Variants in CHIC1 observed in about 807,000 individuals in gnomAD.
CHIC1 encodes cysteine rich hydrophobic domain 1, also known as cysteine-rich hydrophobic domain-containing protein 1.
CHIC1 carries 7 observed loss-of-function variants against 18.5 expected under a neutral mutation model. The observed-to-expected ratio is 0.38, with a 90% CI of 0.22 to 0.71. The LOEUF is 0.71. CHIC1 is among the 30% of genes least tolerant of loss of function. The pLI is 0.49. For missense variants in CHIC1, 159 were observed against 176.9 expected (o/e 0.90, Z 0.57); for synonymous variants, 77 against 73.5 (o/e 1.05, Z -0.25).
At chrX:73,617,270 C>T (rs1462333964) in intron 3 of CHIC1, among the ~76,000 whole-genome samples, 2 of 111,638 alleles carry the variant, frequency 1.8e-5, no homozygotes, top group Non-Finnish European at 3.8e-5. Context: ...CATTTGAGAC[C>T]ACCTCAGCCT....
chrX:73,627,783 G>C (rs922381164), intron 3 of CHIC1, among the ~76,000 whole-genome samples: 1 of 111,363 alleles, frequency 9.0e-6, no homozygotes, highest in African/African-American at 3.3e-5. Context: ...CCAAGAGCCA[G>C]CTTGGTGCTC....
intron 3 of CHIC1, among the ~76,000 whole-genome samples, chrX:73,606,844 C>T (rs1234991585): frequency 3.7e-5 from 4 of 109,106 alleles, no homozygotes; most frequent in Non-Finnish European, 7.5e-5. Flanking sequence ...CCTGCTCCTT[C>T]CTCTGTAAGC....
chrX:73,572,699 T>G (rs1603339626), intron 1 of CHIC1, among the ~76,000 whole-genome samples: 1 of 111,684 alleles, frequency 9.0e-6, no homozygotes, highest in Non-Finnish European at 1.9e-5. Flanking sequence ...TCTCTAATGA[T>G]TAGTGATGAT....
At chrX:73,577,570 A>G (rs2057505975) in intron 2 of CHIC1, 109 bp downstream of exon 2, 1 of 565,634 alleles carries the variant, frequency 1.8e-6, no homozygotes, top group Admixed American at 2.6e-5. Flanking sequence ...AAGTAATAGG[A>G]GGCCTCAGTA....
In CHIC1 at chrX:73,682,001, T is replaced by C. The variant is rs2058101212; in HGVS notation, c.*996T>C. 1 of 111,677 alleles carries C rather than the reference T, an allele frequency of 9.0e-6. No homozygotes were observed. Among genetic ancestry groups the C allele is most frequent in the African/African-American group, 3.2e-5 (1 of 30,857 alleles). 9.2% of individuals were successfully genotyped at this position (111,677 alleles called of 1,213,427 possible). On this transcript the variant is annotated 3_prime_UTR_variant, in exon 6 of 6. Transcript: ENST00000373502. ...ACACAATTATGACTTTTAAGGAGTA[T>C]TTTGAGATTTCAGACATCTTCAGAA...
At chrX:73,663,745 G>A (rs1016807050) in intron 3 of CHIC1, among the ~76,000 whole-genome samples, 6 of 111,035 alleles carry the variant, frequency 5.4e-5, no homozygotes, top group Middle Eastern at 4.7e-3. Context: ...TGTGGCTCCC[G>A]TGCTTCCAAA....
intron 3 of CHIC1, among the ~76,000 whole-genome samples, chrX:73,609,844 A>G (rs1238904719): frequency 9.2e-6 from 1 of 109,119 alleles, no homozygotes; most frequent in Non-Finnish European, 1.9e-5. Context: ...GAAGTATATA[A>G]TACATTGTAA....
At chrX:73,633,641 C>G (rs759268410) in intron 3 of CHIC1, among the ~76,000 whole-genome samples, 1 of 111,160 alleles carries the variant, frequency 9.0e-6, no homozygotes, top group East Asian at 2.8e-4. Context: ...TTCTCTTTTT[C>G]TGCTCCTTCA....
intron 3 of CHIC1, among the ~76,000 whole-genome samples, chrX:73,606,346 T>A (rs1227720786): frequency 3.7e-5 from 4 of 106,933 alleles, no homozygotes; most frequent in Non-Finnish European, 5.7e-5. Flanking sequence ...CCCATTCATC[T>A]TCTTCTCTAA....
At chrX:73,640,357 A>C (rs1457682565) in intron 3 of CHIC1, among the ~76,000 whole-genome samples, 1 of 112,016 alleles carries the variant, frequency 8.9e-6, no homozygotes, top group East Asian at 2.8e-4. Context: ...TATTGAACCA[A>C]GCTTGCATCC....
chrX:73,633,636 T>G (rs1275613622), intron 3 of CHIC1, among the ~76,000 whole-genome samples: 1 of 111,725 alleles, frequency 9.0e-6, no homozygotes, highest in Non-Finnish European at 1.9e-5. Context: ...GTTCTTTCTC[T>G]TTTTCTGCTC....
intron 3 of CHIC1, among the ~76,000 whole-genome samples, chrX:73,607,096 C>T (rs1300664952): frequency 1.8e-5 from 2 of 109,042 alleles, no homozygotes; most frequent in African/African-American, 7.1e-5. Flanking sequence ...CCCGTTCCCC[C>T]AGGTGCTCTG....
chrX:73,648,537 C>T (rs2057900399), intron 3 of CHIC1, among the ~76,000 whole-genome samples: 1 of 111,709 alleles, frequency 9.0e-6, no homozygotes, highest in African/African-American at 3.3e-5. Context: ...CCTGATGGAG[C>T]TGAAACACAC....
chrX:73,674,612 A>C (rs1462463582), intron 3 of CHIC1, among the ~76,000 whole-genome samples: 1 of 110,177 alleles, frequency 9.1e-6, no homozygotes, highest in Non-Finnish European at 1.9e-5. Flanking sequence ...CATCTGTTTG[A>C]TTCTTCTCTC....
At chrX:73,676,338 G>T (rs755933636) in intron 3 of CHIC1, among the ~76,000 whole-genome samples, 1 of 112,003 alleles carries the variant, frequency 8.9e-6, no homozygotes, top group South Asian at 3.7e-4. Flanking sequence ...TTCCAACTTG[G>T]ATCCATTCTC....
intron 3 of CHIC1, among the ~76,000 whole-genome samples, chrX:73,607,770 G>A (rs1055139240): frequency 2.8e-5 from 3 of 107,860 alleles, no homozygotes; most frequent in Non-Finnish European, 1.9e-5. Context: ...GTGCTTCCCA[G>A]GTGAGGCGAC....
chrX:73,647,319 G>A (rs1187170954), intron 3 of CHIC1, among the ~76,000 whole-genome samples: 1 of 111,912 alleles, frequency 8.9e-6, no homozygotes, highest in Non-Finnish European at 1.9e-5. Context: ...CAGTTCTAGG[G>A]AGTTTCTAGA....
rs1313127312 is a variant in CHIC1 at position 73,614,745 on chromosome X, A to G, written c.507+30173A>G. ...CTTTTTTATGGTATCTATCTCTTCA[A>G]TAAATTTCTTATTCGGATACCCAAT... On this transcript the variant is annotated intron_variant, in intron 3 of 5. Coordinates refer to ENST00000373502, the MANE Select transcript of CHIC1 (RefSeq NM_001039840.4). Among the ~76,000 whole-genome samples, 8 of 110,539 alleles carry G rather than the reference A, an allele frequency of 7.2e-5. No individual in the cohort carries two copies. In the South Asian group the frequency reaches 1.5e-3, roughly 21 times the overall value.
chrX:73,600,485 C>T (rs1425049798), intron 3 of CHIC1, among the ~76,000 whole-genome samples: 1 of 106,834 alleles, frequency 9.4e-6, no homozygotes, highest in East Asian at 2.9e-4. Context: ...ATAGATAGCT[C>T]TTATTACTTT....
Sources: allele counts gnomAD v4.1 joint callset (sites outside exome capture counted in the v4.1 genomes callset), GRCh38; gene constraint gnomAD v4.1.1; transcripts MANE v1.5; gene names NCBI Gene and HGNC (gene_info 2026-07-23, HGNC 2026-07-21).